Variants in FAM76B observed in about 807,000 individuals in gnomAD.
FAM76B encodes family with sequence similarity 76 member B.
FAM76B carries 16 observed loss-of-function variants against 51.8 expected under a neutral mutation model. That is an observed-to-expected ratio of 0.31 (90% CI 0.21 to 0.47). The LOEUF is 0.47. Among genes scored for constraint, FAM76B ranks in the 20% least tolerant of loss-of-function variants. The pLI is 1.00. For missense variants in FAM76B, 342 were observed against 392.6 expected, an observed-to-expected ratio of 0.87 and a Z score of 1.09; for synonymous variants, 166 against 129.5, an observed-to-expected ratio of 1.28 and a Z score of -1.91.
rs541166673 is a variant in FAM76B, at chr11:95,788,136, T to C, written c.152+363A>G. Among the ~76,000 whole-genome samples, 19 of 152,348 alleles carry C rather than the reference T, an allele frequency of 1.2e-4. No homozygotes were observed. In the South Asian group the frequency reaches 3.1e-3, roughly 25 times the overall value. ...TACTCCTCTTCTATGTAACAAATTA[T>C]TAGATTTTCACCTTGGAAGGCAGTT... On this transcript the variant is annotated intron_variant, in intron 2 of 9. Transcript: ENST00000358780.
At chr11:95,777,814 A>C (rs530037840) in intron 8 of FAM76B, among the ~76,000 whole-genome samples, 1 of 151,394 alleles carries the variant, frequency 6.6e-6, no homozygotes, top group Non-Finnish European at 1.5e-5. Context: ...TATAAGTCAT[A>C]TATGTATTCA....
chr11:95,784,583 C>A (rs1342303940), intron 4 of FAM76B, among the ~76,000 whole-genome samples: 2 of 151,066 alleles, frequency 1.3e-5, no homozygotes, highest in Non-Finnish European at 3.0e-5. Context: ...CACACACACA[C>A]ACACACACAA....
At chr11:95,773,197 T>G (rs1421826182) in intron 9 of FAM76B, among the ~76,000 whole-genome samples, 1 of 151,136 alleles carries the variant, frequency 6.6e-6, no homozygotes, top group Admixed American at 6.6e-5. Flanking sequence ...ATTTGAACAT[T>G]AGGTCTTCAA....
Position 95,789,227 on chromosome 11 carries a change from T to A in FAM76B, c.87+165A>T, listed in dbSNP as rs535623094. The A allele has an allele frequency of 3.1e-6, 3 of 956,692 alleles. No homozygotes were observed. In the African/African-American group the frequency reaches 5.0e-5, roughly 16 times the overall value. 59.3% of individuals were successfully genotyped at this position (956,692 alleles called of 1,614,324 possible). On this transcript the variant is annotated intron_variant, in intron 1 of 9. Coordinates refer to ENST00000358780, the MANE Select transcript of FAM76B (RefSeq NM_144664.5). Reference sequence around the variant, plus strand: ...CCTTTCAGGGTCCGTTCCCAGCTAATGTTCAAGCCCCCAGAAAAAGGGGTC... The same window carrying A: ...CCTTTCAGGGTCCGTTCCCAGCTAAAGTTCAAGCCCCCAGAAAAAGGGGTC...
At chr11:95,776,103 A>G in intron 8 of FAM76B, 80 bp from the exon 9 acceptor site, 5 of 721,636 alleles carry the variant, frequency 6.9e-6, no homozygotes, top group Non-Finnish European at 1.0e-5. Context: ...TTCACAATAA[A>G]CTCACATTTC....
chr11:95,785,753 G>C (rs1168564656), intron 4 of FAM76B, among the ~76,000 whole-genome samples: 1 of 152,198 alleles, frequency 6.6e-6, no homozygotes, highest in East Asian at 1.9e-4. Flanking sequence ...AAAGGCACAA[G>C]AGTAACTGAA....
In FAM76B at chr11:95,789,598, G is replaced by T. The variant is rs1860882872; in HGVS notation, c.-120C>A. On this transcript the variant is annotated 5_prime_UTR_variant, in exon 1 of 10. Coordinates refer to ENST00000358780, the MANE Select transcript of FAM76B (RefSeq NM_144664.5). ...CCTCCTCCCCCTCCCCCTGCCTCGC[G>T]CCCACCAGGGCCTCGCCGCGAGAGC... 3.8e-6 allele frequency: 3 copies of T among 780,108 alleles called. No individual in the cohort carries two copies. The highest frequency in any genetic ancestry group is 2.0e-5 in the South Asian group (1 of 50,952). The allele number at this position is 780,108 out of a possible 1,614,324, so 48.3% of individuals were successfully genotyped here.
chr11:95,774,403 C>T (rs1859906092), intron 9 of FAM76B, among the ~76,000 whole-genome samples: 1 of 151,298 alleles, frequency 6.6e-6, no homozygotes, highest in Non-Finnish European at 1.5e-5. Context: ...ATCTATCAGG[C>T]TAAGTCAAAG....
chr11:95,786,397 C>CA, intron 3 of FAM76B, 123 bp from the exon 4 acceptor site: 4 of 1,152,884 alleles, frequency 3.5e-6, no homozygotes, highest in Non-Finnish European at 3.6e-6. Context: ...TGTTTTCTGT[C>CA]AAGTTTGTTG....
chr11:95,788,449 A>G, intron 2 of FAM76B, 50 bp downstream of exon 2: 3 of 1,396,804 alleles, frequency 2.1e-6, no homozygotes, highest in Middle Eastern at 1.9e-4. Context: ...CAAGTATTCC[A>G]TAAAGACAAC....
chr11:95,782,961 GA>G (rs1860354062), intron 5 of FAM76B, 103 bp downstream of exon 5: 1 of 1,432,170 alleles, frequency 7.0e-7, no homozygotes, highest in East Asian at 2.3e-5. Context: ...GTGTACAATG[GA>G]AACTAGACTA....
chr11:95,789,555 C>T lies in FAM76B; in HGVS notation c.-77G>A. ...ACGGAGAACCCGAGAGCCGCCGCCG[C>T]CCGGGCCGCGGGCTCCTCCTCCTCC... On this transcript the variant is annotated 5_prime_UTR_variant, in exon 1 of 10. Transcript: ENST00000358780. 1 of 1,381,806 alleles carries T rather than the reference C, an allele frequency of 7.2e-7. No individual in the cohort carries two copies. Among genetic ancestry groups the T allele is most frequent in the Non-Finnish European group, 9.8e-7 (1 of 1,015,710 alleles). 85.6% of individuals were successfully genotyped at this position (1,381,806 alleles called of 1,614,324 possible).
intron 4 of FAM76B, among the ~76,000 whole-genome samples, chr11:95,785,669 C>T (rs763107473): frequency 6.6e-6 from 1 of 152,144 alleles, no homozygotes; most frequent in Non-Finnish European, 1.5e-5. Flanking sequence ...ATCACATGAA[C>T]ACAAATACTT....
intron 4 of FAM76B, among the ~76,000 whole-genome samples, chr11:95,784,593 ATTT>A (rs1207939051): frequency 7.5e-6 from 1 of 133,884 alleles, no homozygotes; most frequent in African/African-American, 2.9e-5. Context: ...CACACACACA[ATTT>A]TTTTTTTTTT....
At chr11:95,777,058 C>T (rs1860043763) in intron 8 of FAM76B, among the ~76,000 whole-genome samples, 1 of 151,272 alleles carries the variant, frequency 6.6e-6, no homozygotes, top group South Asian at 2.1e-4. Flanking sequence ...AAGACAATTA[C>T]TCTATTCACT....
intron 1 of FAM76B, 22 bp downstream of exon 1, chr11:95,789,370 C>A (rs1330659962): frequency 6.3e-7 from 1 of 1,576,698 alleles, no homozygotes; most frequent in South Asian, 1.2e-5. Context: ...CCCATCCCGC[C>A]CGCCTCCCGG....
At chr11:95,786,836 C>A (rs1034200155) in intron 3 of FAM76B, 20 of 152,228 alleles carry the variant, frequency 1.3e-4, no homozygotes, top group African/African-American at 4.6e-4. Flanking sequence ...CAGTTTAGAG[C>A]GTTAAAGTTA....
At chr11:95,774,859 T>C (rs544111904) in intron 9 of FAM76B, among the ~76,000 whole-genome samples, 36 of 151,306 alleles carry the variant, frequency 2.4e-4, no homozygotes, top group Non-Finnish European at 4.4e-4. Flanking sequence ...TTTGTAATAG[T>C]ATGATAGGGA....
Position 95,789,613 on chromosome 11 carries a change from G to C in FAM76B, c.-135C>G, listed in dbSNP as rs1036765046. 14 of 667,010 alleles carry C rather than the reference G, an allele frequency of 2.1e-5. No individual in the cohort carries two copies. The highest frequency in any genetic ancestry group is 2.9e-5 in the Non-Finnish European group (12 of 418,100). 41.3% of individuals were successfully genotyped at this position (667,010 alleles called of 1,614,324 possible). On this transcript the variant is annotated 5_prime_UTR_variant, in exon 1 of 10. Coordinates refer to ENST00000358780, the MANE Select transcript of FAM76B (RefSeq NM_144664.5). ...CCTGCCTCGCGCCCACCAGGGCCTC[G>C]CCGCGAGAGCCCAGGGCCCCGCGGA...
Sources: gnomAD v4.1 joint callset for allele counts (sites outside exome capture counted in the v4.1 genomes callset) on GRCh38, gnomAD v4.1.1 for gene constraint, MANE v1.5 for transcripts, NCBI Gene and HGNC (gene_info 2026-07-23, HGNC 2026-07-21) for gene names.